The following DCP2 variants were observed in gnomAD, a reference collection of about 807,000 sequenced individuals.
DCP2 encodes decapping mRNA 2, also known as m7GpppN-mRNA hydrolase.
In DCP2, 30 loss-of-function variants were observed where a neutral mutation model predicts 56.1. That is an observed-to-expected ratio of 0.53 (90% CI 0.40 to 0.73). The LOEUF (loss-of-function observed/expected upper bound fraction) is 0.73, where lower values mean the gene tolerates loss of function less well. Among genes scored for constraint, DCP2 ranks in the 30% least tolerant of loss-of-function variants. The probability of loss-of-function intolerance (pLI) is 0.00; values close to 1 mark genes in which losing one functional copy is unlikely to be tolerated. For missense variants in DCP2, 533 were observed against 502.7 expected (o/e 1.06, Z -0.58); for synonymous variants, 197 against 163.3 (o/e 1.21, Z -1.57).
At position 113,019,897 on chromosome 5, in the gene DCP2, T is replaced by C. The variant is rs1372910846; in HGVS notation, c.*6413T>C. 6.6e-6 allele frequency: 1 copy of C among 152,248 alleles called. No homozygotes were observed. The highest frequency in any genetic ancestry group is 1.5e-5 in the Non-Finnish European group (1 of 68,032). The allele number at this position is 152,248 out of a possible 1,614,324, so 9.4% of individuals were successfully genotyped here. ...ATTAGCATTTTTAAGTGAAGTTCTCTTAATAAGATTGCCTTTTGTCTAACC... is the reference window on the plus strand; with the variant it reads ...ATTAGCATTTTTAAGTGAAGTTCTCCTAATAAGATTGCCTTTTGTCTAACC... On this transcript the variant is annotated 3_prime_UTR_variant, in exon 11 of 11. Coordinates refer to ENST00000389063, the MANE Select transcript of DCP2 (RefSeq NM_152624.6).
At chr5:112,979,046 A>G (rs1250312861) in intron 1 of DCP2, among the ~76,000 whole-genome samples, 1 of 152,198 alleles carries the variant, frequency 6.6e-6, no homozygotes, top group Non-Finnish European at 1.5e-5. Flanking sequence ...GAACCTATTC[A>G]CAAAATAATT....
chr5:112,989,554 T>G (rs1289473318), intron 2 of DCP2, among the ~76,000 whole-genome samples: 1 of 152,120 alleles, frequency 6.6e-6, no homozygotes, highest in Non-Finnish European at 1.5e-5. Context: ...TAAGAGATGA[T>G]GCTACAGAGT....
intron 1 of DCP2, chr5:112,984,699 A>ATATATATATATATATATAT (rs377520502): frequency 4.8e-4 from 38 of 78,468 alleles, no homozygotes; most frequent in African/African-American, 1.2e-3. Flanking sequence ...AAAAAAAAAA[A>ATATATATATATATATATAT]AAAAATATAT....
intron 2 of DCP2, among the ~76,000 whole-genome samples, chr5:112,990,979 C>T (rs1748560763): frequency 6.6e-6 from 1 of 152,136 alleles, no homozygotes; most frequent in South Asian, 2.1e-4. Context: ...TGTACTAACA[C>T]CACCTTTCTC....
At chr5:112,990,601 C>T (rs1293811628) in intron 2 of DCP2, among the ~76,000 whole-genome samples, 3 of 151,946 alleles carry the variant, frequency 2.0e-5, no homozygotes, top group East Asian at 1.9e-4. Context: ...ATTAACTTTG[C>T]GCTTGTCTTA....
At chr5:113,012,057 T>C (rs963986404) in intron 10 of DCP2, among the ~76,000 whole-genome samples, 1 of 152,198 alleles carries the variant, frequency 6.6e-6, no homozygotes, top group Non-Finnish European at 1.5e-5. Context: ...GGTGGGGACA[T>C]GTTAGGTGGA....
At chr5:112,978,694 A>T (rs1747846981) in intron 1 of DCP2, among the ~76,000 whole-genome samples, 1 of 152,052 alleles carries the variant, frequency 6.6e-6, no homozygotes, top group South Asian at 2.1e-4. Context: ...AAAAAAAAAA[A>T]AAGGAAAAAG....
At chr5:112,981,722 G>T (rs992973030) in intron 1 of DCP2, among the ~76,000 whole-genome samples, 8 of 152,024 alleles carry the variant, frequency 5.3e-5, no homozygotes, top group African/African-American at 1.9e-4. Flanking sequence ...TTTTTTCTTT[G>T]GGGAAAGAAA....
intron 1 of DCP2, among the ~76,000 whole-genome samples, chr5:112,981,811 GC>G (rs748296335): frequency 2.6e-5 from 4 of 152,142 alleles, no homozygotes; most frequent in African/African-American, 7.2e-5. Flanking sequence ...TTGCTCGTTT[GC>G]CCAGGCTGGA....
intron 4 of DCP2, among the ~76,000 whole-genome samples, chr5:112,993,083 T>C (rs572783000): frequency 5.9e-5 from 9 of 152,156 alleles, no homozygotes; most frequent in Admixed American, 3.3e-4. Flanking sequence ...TTGGCTGTTA[T>C]AATCCTTGTT....
At chr5:113,006,855 G>A (rs552485074) in intron 8 of DCP2, among the ~76,000 whole-genome samples, 25 of 152,174 alleles carry the variant, frequency 1.6e-4, no homozygotes, top group Non-Finnish European at 3.4e-4. Flanking sequence ...AATCTTAGCC[G>A]GGAACGTTGG....
At chr5:112,983,739 G>T (rs752989205) in intron 1 of DCP2, among the ~76,000 whole-genome samples, 2 of 152,102 alleles carry the variant, frequency 1.3e-5, no homozygotes, top group African/African-American at 4.8e-5. Flanking sequence ...AATCTGAATG[G>T]CTTTTGTCCT....
chr5:112,983,509 C>G (rs1012367868), intron 1 of DCP2, among the ~76,000 whole-genome samples: 6 of 152,124 alleles, frequency 3.9e-5, no homozygotes, highest in African/African-American at 1.4e-4. Flanking sequence ...ACTACCATGC[C>G]TGGCAAGGCA....
chr5:113,002,339 C>T (rs1324067265), intron 7 of DCP2, among the ~76,000 whole-genome samples: 2 of 151,210 alleles, frequency 1.3e-5, no homozygotes, highest in Non-Finnish European at 1.5e-5. Context: ...AGGAGAATGG[C>T]TTAAACCTGG....
intron 8 of DCP2, among the ~76,000 whole-genome samples, chr5:113,005,270 A>C (rs1749371789): frequency 1.3e-5 from 2 of 152,164 alleles, no homozygotes; most frequent in South Asian, 4.1e-4. Flanking sequence ...AATTATATAT[A>C]TAAGGGGTTA....
intron 4 of DCP2, among the ~76,000 whole-genome samples, chr5:113,000,019 C>G (rs574785754): frequency 3.3e-4 from 47 of 144,326 alleles, no homozygotes; most frequent in Non-Finnish European, 6.1e-4. Flanking sequence ...CAGGAGCCCA[C>G]CATTGCACTC....
chr5:113,006,699 A>G (rs922992230), intron 8 of DCP2, among the ~76,000 whole-genome samples: 15 of 152,170 alleles, frequency 9.9e-5, no homozygotes, highest in Non-Finnish European at 7.3e-5. Context: ...TCAATATCTC[A>G]AACAACAAAT....
At chr5:112,999,166 A>G (rs553115490) in intron 4 of DCP2, among the ~76,000 whole-genome samples, 2 of 152,360 alleles carry the variant, frequency 1.3e-5, no homozygotes, top group Admixed American at 1.3e-4. Flanking sequence ...AATTCAGATT[A>G]TACAATTTAC....
intron 9 of DCP2, among the ~76,000 whole-genome samples, chr5:113,008,907 G>A (rs577755802): frequency 4.0e-5 from 6 of 151,408 alleles, no homozygotes; most frequent in Non-Finnish European, 8.8e-5. Flanking sequence ...GCAGTGGCAC[G>A]ATCTCGGCTC....
Sources: gnomAD v4.1 joint callset for allele counts (sites outside exome capture counted in the v4.1 genomes callset) on GRCh38, gnomAD v4.1.1 for gene constraint, MANE v1.5 for transcripts, NCBI Gene and HGNC (gene_info 2026-07-23, HGNC 2026-07-21) for gene names.